CHDH: variants seen among roughly 807,000 people sequenced by gnomAD.
The protein encoded by CHDH is choline dehydrogenase.
CHDH carries 43 observed loss-of-function variants against 56.9 expected under a neutral mutation model. The ratio of observed to expected loss-of-function variants is 0.76; its 90% CI spans 0.59 to 0.97. The LOEUF is 0.97. CHDH is among the 50% of genes least tolerant of loss of function. The probability of loss-of-function intolerance (pLI) is 0.00; values close to 1 mark genes in which losing one functional copy is unlikely to be tolerated. For synonymous variants in CHDH, 364 were observed against 348.5 expected, an observed-to-expected ratio of 1.04 and a Z score of -0.50; for missense variants, 816 against 821.1, an observed-to-expected ratio of 0.99 and a Z score of 0.08.
chr3:53,817,275 C>A lies in CHDH; in HGVS notation c.*502G>T, dbSNP rs1295136969. ...CAACTTTCCCCTCTCAACAGGGACACTGGGGACTTATGTGCCAGCCCAGGC... is the reference window on the plus strand; with the variant it reads ...CAACTTTCCCCTCTCAACAGGGACAATGGGGACTTATGTGCCAGCCCAGGC... On this transcript the variant is annotated 3_prime_UTR_variant, in exon 9 of 9. Transcript: ENST00000315251. The A allele has an allele frequency of 1.3e-5, 2 of 151,740 alleles. No individual in the cohort carries two copies. Among genetic ancestry groups the A allele is most frequent in the African/African-American group, 4.9e-5 (2 of 40,706 alleles). The allele number at this position is 151,740 out of a possible 1,614,324, so 9.4% of individuals were successfully genotyped here. A position where few individuals can be genotyped will look rare whatever the true frequency, so the allele number is the denominator to read the frequency against.
In CHDH at chr3:53,813,633, T is replaced by G. The variant is rs1320051208; in HGVS notation, c.*4144A>C. ...GATGATCTTTTCCAAAGTCAGTACT[T>G]ACAAACTGGCATTCTTACAGGCTGC... On this transcript the variant is annotated 3_prime_UTR_variant, in exon 9 of 9. Transcript: ENST00000315251. 1.3e-5 allele frequency: 2 copies of G among 152,230 alleles called. No homozygotes were observed. The highest frequency in any genetic ancestry group is 2.9e-5 in the Non-Finnish European group (2 of 68,040). The allele number at this position is 152,230 out of a possible 1,614,324, so 9.4% of individuals were successfully genotyped here.
At chr3:53,840,369 A>T (rs1197449109) in intron 2 of CHDH, among the ~76,000 whole-genome samples, 1 of 152,054 alleles carries the variant, frequency 6.6e-6, no homozygotes, top group East Asian at 1.9e-4. Context: ...TCTACAAAAA[A>T]ATTTTTTTAT....
rs764229853 is a variant in CHDH at position 53,818,221 on chromosome 3, G to C, written c.1367-26C>G. ...CTGTCGAGGAGAAGAAACAGGTGAG[G>C]ACCCCTCCTTTTGCCCGTGCTGGCC... On this transcript the variant is annotated intron_variant, in intron 8 of 8. Transcript: ENST00000315251. 8.3e-6 allele frequency: 13 copies of C among 1,565,320 alleles called. No homozygotes were observed. The East Asian group carries it at 2.5e-4, about 30-fold the overall frequency.
At chr3:53,826,446 C>G (rs1011226381) in intron 2 of CHDH, among the ~76,000 whole-genome samples, 5 of 152,114 alleles carry the variant, frequency 3.3e-5, no homozygotes, top group African/African-American at 1.2e-4. Flanking sequence ...GGCTTTATCT[C>G]AAGTATGCAA....
intron 2 of CHDH, among the ~76,000 whole-genome samples, chr3:53,831,210 T>C (rs1559758073): frequency 6.6e-6 from 1 of 152,256 alleles, no homozygotes; most frequent in Non-Finnish European, 1.5e-5. Context: ...GGAAGGACTG[T>C]GTCACATGGT....
At chr3:53,840,156 G>A (rs1698626814) in intron 2 of CHDH, among the ~76,000 whole-genome samples, 1 of 152,140 alleles carries the variant, frequency 6.6e-6, no homozygotes, top group African/African-American at 2.4e-5. Flanking sequence ...GTATTTGACA[G>A]GTCAGTATGG....
At position 53,815,592 on chromosome 3, in the gene CHDH, C is replaced by T. The variant is rs914756651; in HGVS notation, c.*2185G>A. 6.6e-6 allele frequency: 1 copy of T among 152,222 alleles called. No homozygotes were observed. Among genetic ancestry groups the T allele is most frequent in the Non-Finnish European group, 1.5e-5 (1 of 68,060 alleles). 9.4% of individuals were successfully genotyped at this position (152,222 alleles called of 1,614,324 possible). On this transcript the variant is annotated 3_prime_UTR_variant, in exon 9 of 9. Transcript: ENST00000315251. The stretch of plus-strand genomic sequence containing the variant: ...AATTGAGCAGCATCACCAATGGGCT[C>T]CTCTTACCATATGACGTTTTGCTTA...
At chr3:53,833,141 G>A in intron 2 of CHDH, among the ~76,000 whole-genome samples, 1 of 152,220 alleles carries the variant, frequency 6.6e-6, no homozygotes, top group Non-Finnish European at 1.5e-5. Context: ...AAGGTCTGCA[G>A]TAAATGACAA....
intron 6 of CHDH, among the ~76,000 whole-genome samples, chr3:53,820,022 G>A (rs551792144): frequency 6.6e-6 from 1 of 152,242 alleles, no homozygotes; most frequent in Non-Finnish European, 1.5e-5. Flanking sequence ...GAGTGGATGG[G>A]TAGGATTTTA....
chr3:53,843,871 C>T (rs1409486100), intron 1 of CHDH, among the ~76,000 whole-genome samples: 1 of 152,232 alleles, frequency 6.6e-6, no homozygotes, highest in Non-Finnish European at 1.5e-5. Flanking sequence ...AGAGCAGTGA[C>T]TTGCCAGAGC....
In CHDH at chr3:53,823,730, GGCCGCGGGCATGTGGATCTTCCACGAGA is replaced by G; in HGVS notation, c.251_278del (p.Leu84ProfsTer125). 3 of 1,553,028 alleles carry G rather than the reference GGCCGCGGGCATGTGGATCTTCCACGAGA, an allele frequency of 1.9e-6. No individual in the cohort carries two copies. Among genetic ancestry groups the G allele is most frequent in the Non-Finnish European group, 2.6e-6 (3 of 1,149,272 alleles). Reference sequence around the variant, plus strand: ...TGTCGTCGCACAGGTTGGCCACCAGGGCCGCGGGCATGTGGATCTTCCACGAGAGCCGCTTGCTCCCCGCGAGCACGTC... The same window carrying G: ...TGTCGTCGCACAGGTTGGCCACCAGGGCCGCTTGCTCCCCGCGAGCACGTC... On this transcript the variant is annotated frameshift_variant, in exon 3 of 9. Transcript: ENST00000315251. LOFTEE classifies it high-confidence loss of function.
chr3:53,831,617 A>T (rs1698335966), intron 2 of CHDH, among the ~76,000 whole-genome samples: 1 of 152,270 alleles, frequency 6.6e-6, no homozygotes, highest in Admixed American at 6.5e-5. Context: ...GACAATCCAT[A>T]GGAGAAAATA....
intron 2 of CHDH, among the ~76,000 whole-genome samples, chr3:53,837,541 C>T (rs1014766883): frequency 6.6e-6 from 1 of 152,224 alleles, no homozygotes; most frequent in Non-Finnish European, 1.5e-5. Context: ...GTTGGTAAGG[C>T]GTGGGCGCTG....
intron 2 of CHDH, among the ~76,000 whole-genome samples, chr3:53,838,468 G>C (rs1037044392): frequency 1.3e-5 from 2 of 152,220 alleles, no homozygotes; most frequent in Non-Finnish European, 2.9e-5. Flanking sequence ...AGAGGGCCTC[G>C]GGTGAAAGTA....
Position 53,819,718 on chromosome 3 carries a change from TGG to T in CHDH, c.1121-46_1121-45del. ...TGAGGCAGAAGAGCCAGTCAGGCCGTGGCAGGTGGGCCGGCTGCTCCTGGTTT... is the reference window on the plus strand; with the variant it reads ...TGAGGCAGAAGAGCCAGTCAGGCCGTCAGGTGGGCCGGCTGCTCCTGGTTT... On this transcript the variant is annotated intron_variant, in intron 6 of 8. Transcript: ENST00000315251. This position sits in a 1 kb window ranked among gnomAD's most constrained non-coding sequence, Gnocchi z 5.4. The T allele has an allele frequency of 6.6e-7, 1 of 1,514,026 alleles. No homozygotes were observed. The highest frequency in any genetic ancestry group is 8.9e-7 in the Non-Finnish European group (1 of 1,129,804). 93.8% of individuals were successfully genotyped at this position (1,514,026 alleles called of 1,614,324 possible).
intron 2 of CHDH, among the ~76,000 whole-genome samples, chr3:53,824,506 C>T (rs1002842364): frequency 6.6e-6 from 1 of 152,236 alleles, no homozygotes; most frequent in Non-Finnish European, 1.5e-5. Flanking sequence ...CACAGAAAGA[C>T]ATCTGCTCTC....
chr3:53,845,774 G>A (rs1018482614), intron 1 of CHDH, among the ~76,000 whole-genome samples: 4 of 152,232 alleles, frequency 2.6e-5, no homozygotes, highest in Admixed American at 6.5e-5. Context: ...CGCTTTGGGA[G>A]CCCCAGGTGT....
intron 2 of CHDH, among the ~76,000 whole-genome samples, chr3:53,836,396 C>T (rs1000799028): frequency 6.6e-6 from 1 of 152,256 alleles, no homozygotes; most frequent in African/African-American, 2.4e-5. Context: ...GATCCAGGTG[C>T]ATGGTCCACC....
At position 53,814,601 on chromosome 3, in the gene CHDH, C is replaced by T. The variant is rs2095612593; in HGVS notation, c.*3176G>A. ...TGGATCTGATGTTAAGTTGGCTTAT[C>T]AGTAGAAGCATGAAACCACTTCTGA... On this transcript the variant is annotated 3_prime_UTR_variant, in exon 9 of 9. Coordinates refer to ENST00000315251, the MANE Select transcript of CHDH (RefSeq NM_018397.5). The T allele has an allele frequency of 6.6e-6, 1 of 152,122 alleles. No homozygotes were observed. Among genetic ancestry groups the T allele is most frequent in the Non-Finnish European group, 1.5e-5 (1 of 68,024 alleles). 9.4% of individuals were successfully genotyped at this position (152,122 alleles called of 1,614,324 possible). A position where few individuals can be genotyped will look rare whatever the true frequency, so the allele number is the denominator to read the frequency against.
Sources: gnomAD v4.1 joint callset for allele counts (sites outside exome capture counted in the v4.1 genomes callset) on GRCh38, gnomAD v4.1.1 for gene constraint, Gnocchi (gnomAD v3.1) non-coding constraint, MANE v1.5 for transcripts, NCBI Gene and HGNC (gene_info 2026-07-23, HGNC 2026-07-21) for gene names.